DST: variants seen among roughly 807,000 people sequenced by gnomAD.
DST encodes the protein dystonin, also known as bullous pemphigoid antigen.
A neutral mutation model predicts 875.2 loss-of-function variants in DST; 253 were observed. The observed-to-expected ratio is 0.29, with a 90% CI of 0.26 to 0.32. The LOEUF (loss-of-function observed/expected upper bound fraction) is 0.32. Ranked by LOEUF, DST falls within the 10% of genes least tolerant of loss-of-function variation. The pLI is 1.00. For synonymous variants in DST, 3,124 were observed against 3,197.1 expected, an observed-to-expected ratio of 0.98 and a Z score of 0.77; for missense variants, 8,287 against 9,111.6, an observed-to-expected ratio of 0.91 and a Z score of 3.68.
At position 56,642,050 on chromosome 6, in the gene DST, C is replaced by T. The variant is rs2098911353; in HGVS notation, c.1924G>A (p.Ala642Thr). 3 of 1,612,972 alleles carry T rather than the reference C, an allele frequency of 1.9e-6. No homozygotes were observed. Among genetic ancestry groups the T allele is most frequent in the Non-Finnish European group, 1.7e-6 (2 of 1,179,192 alleles). The change falls in exon 17 of 104, where the codon GCT becomes ACT. Residue 642 changes from alanine to threonine, a missense_variant. This residue lies in a region of DST where 1,160 missense variants were observed against 1,424.3 expected (regional missense o/e 0.81). Transcript: ENST00000680361. ...TTCTCACATTCAAGTATATACCCAG[C>T]AATTTCTGCTTCATTCTGAAACTGC... ...GVQFQNEAEI[A>T]GYILECENLL...
chr6:56,614,760 C>G (rs1348118143), intron 36 of DST: 2 of 1,055,838 alleles, frequency 1.9e-6, no homozygotes, highest in East Asian at 7.3e-5. Context: ...TAAATCTCAA[C>G]TTTATTCATG....
chr6:56,562,734 C>A (rs1426851128), intron 55 of DST, among the ~76,000 whole-genome samples: 2 of 151,924 alleles, frequency 1.3e-5, no homozygotes, highest in Admixed American at 6.6e-5. Context: ...CTATCCACCC[C>A]CCAGGCCCCC....
chr6:56,762,716 C>G (rs186301207), intron 4 of DST, among the ~76,000 whole-genome samples: 1 of 152,078 alleles, frequency 6.6e-6, no homozygotes, highest in Non-Finnish European at 1.5e-5. Context: ...TACCTCTACA[C>G]ATATTTTTGG....
At chr6:56,723,907 C>G (rs1226250565) in intron 5 of DST, among the ~76,000 whole-genome samples, 1 of 152,188 alleles carries the variant, frequency 6.6e-6, no homozygotes, top group Non-Finnish European at 1.5e-5. Flanking sequence ...TCCTCCGCTG[C>G]TCCCCCAACC....
intron 2 of DST, among the ~76,000 whole-genome samples, chr6:56,941,712 C>T (rs997029361): frequency 6.6e-6 from 1 of 152,162 alleles, no homozygotes; most frequent in African/African-American, 2.4e-5. Context: ...AACTCCTGGG[C>T]TCAAATGATC....
intron 2 of DST, among the ~76,000 whole-genome samples, chr6:56,926,466 TC>T (rs1179834365): frequency 2.0e-5 from 3 of 151,788 alleles, no homozygotes; most frequent in Non-Finnish European, 4.4e-5. Flanking sequence ...GAGGAGGGGG[TC>T]AGTTCCTGAG....
intron 3 of DST, among the ~76,000 whole-genome samples, chr6:56,853,919 C>A (rs751054294): frequency 1.3e-5 from 2 of 151,348 alleles, no homozygotes; most frequent in African/African-American, 4.9e-5. Context: ...AATATGGACC[C>A]CACACACACA....
chr6:56,591,843 C>G (rs910420015), intron 49 of DST, among the ~76,000 whole-genome samples: 3 of 151,696 alleles, frequency 2.0e-5, no homozygotes, highest in Non-Finnish European at 4.4e-5. Flanking sequence ...GTAGTCCCAG[C>G]TGGTGGCGGG....
At chr6:56,953,275 AT>A (rs1338864205) in intron 2 of DST, among the ~76,000 whole-genome samples, 1 of 152,236 alleles carries the variant, frequency 6.6e-6, no homozygotes, top group Non-Finnish European at 1.5e-5. Flanking sequence ...TAGCACAAGC[AT>A]TTAAGCACAC....
At chr6:56,646,771 T>C (rs1249021044) in intron 13 of DST, among the ~76,000 whole-genome samples, 2 of 152,192 alleles carry the variant, frequency 1.3e-5, no homozygotes, top group African/African-American at 4.8e-5. Flanking sequence ...TAAGTTACTA[T>C]CTAGTTTGTA....
Position 56,636,411 on chromosome 6 carries a change from T to C in DST, c.3060+146A>G, listed in dbSNP as rs150685075. ...GTGTATACGTATGTGTGTATATATA[T>C]ACACACATATATGTGTATATATATA... On this transcript the variant is annotated intron_variant, in intron 23 of 103. Coordinates refer to ENST00000680361, the MANE Select transcript of DST (RefSeq NM_001374736.1). 2.2e-3 allele frequency: 1,451 copies of C among 664,002 alleles called. 14 individuals carry two copies. In the African/African-American group the frequency reaches 0.023, roughly 11 times the overall value. 41.1% of individuals were successfully genotyped at this position (664,002 alleles called of 1,614,324 possible).
At chr6:56,670,151 TG>T in intron 10 of DST, among the ~76,000 whole-genome samples, 1 of 151,832 alleles carries the variant, frequency 6.6e-6, no homozygotes, top group South Asian at 2.1e-4. Flanking sequence ...TGTGTGTGTG[TG>T]TGTGTGTGTG....
intron 3 of DST, among the ~76,000 whole-genome samples, chr6:56,884,071 C>T (rs1331825923): frequency 6.6e-6 from 1 of 151,744 alleles, no homozygotes; most frequent in Non-Finnish European, 1.5e-5. Context: ...GTTGACGATG[C>T]AGTGAGCTGT....
At chr6:56,797,656 TA>T (rs1395867909) in intron 4 of DST, among the ~76,000 whole-genome samples, 1 of 151,924 alleles carries the variant, frequency 6.6e-6, no homozygotes, top group East Asian at 1.9e-4. Flanking sequence ...CTATCTCTAC[TA>T]AAAATACAAA....
chr6:56,839,489 A>G (rs1315885848), intron 4 of DST, among the ~76,000 whole-genome samples: 2 of 152,236 alleles, frequency 1.3e-5, no homozygotes, highest in Non-Finnish European at 2.9e-5. Context: ...AAGTTCATTT[A>G]TTATATAACT....
chr6:56,951,530 T>C (rs1184449552), intron 2 of DST, among the ~76,000 whole-genome samples: 2 of 152,156 alleles, frequency 1.3e-5, no homozygotes, highest in Non-Finnish European at 2.9e-5. Context: ...TTGCAGAAAA[T>C]GGCATCTTGA....
intron 95 of DST, among the ~76,000 whole-genome samples, chr6:56,470,895 C>A (rs950550502): frequency 6.7e-6 from 1 of 150,372 alleles, no homozygotes; most frequent in African/African-American, 2.4e-5. Flanking sequence ...GTGGAGGGAA[C>A]AACATATCTG....
At position 56,527,685 on chromosome 6, in the gene DST, C is replaced by A; in HGVS notation, c.17730G>T (p.Arg5910Ser). 1 of 1,612,712 alleles carries A rather than the reference C, an allele frequency of 6.2e-7. No homozygotes were observed. The highest frequency in any genetic ancestry group is 8.5e-7 in the Non-Finnish European group (1 of 1,179,294). Residue 5910 changes from arginine to serine, a missense_variant, in exon 68 of 104, where the codon AGG becomes AGT. Physicochemically the swap from Arg to Ser is moderately radical, Grantham distance 110. Transcript: ENST00000680361. Reference sequence around the variant, plus strand: ...TGCTCAGTTTAGTAATGTCTTTGTACCTTGCTTTAATGGCTTCCAATTTAT... The same window carrying A: ...TGCTCAGTTTAGTAATGTCTTTGTAACTTGCTTTAATGGCTTCCAATTTAT... ...IQDKLEAIKA[R>S]YKDITKLSTD...
At chr6:56,525,647 C>T (rs1044368199) in intron 69 of DST, among the ~76,000 whole-genome samples, 1 of 152,232 alleles carries the variant, frequency 6.6e-6, no homozygotes, top group African/African-American at 2.4e-5. Context: ...TACCCCCACA[C>T]ATAAACTTTG....
Sources: gnomAD v4.1 joint callset for allele counts (sites outside exome capture counted in the v4.1 genomes callset) on GRCh38, gnomAD v4.1.1 for gene constraint, gnomAD v4.1.1 regional missense constraint, MANE v1.5 for transcripts, NCBI Gene and HGNC (gene_info 2026-07-23, HGNC 2026-07-21) for gene names.